Variants in CSMD3 observed in about 807,000 individuals in gnomAD.
CSMD3 encodes the protein CUB and Sushi multiple domains 3, also known as CUB and sushi domain-containing protein 3.
A neutral mutation model predicts 435.2 loss-of-function variants in CSMD3; 177 were observed. The observed-to-expected ratio is 0.41, with a 90% CI of 0.36 to 0.46. The LOEUF is 0.46. Ranked by LOEUF, CSMD3 falls within the 20% of genes least tolerant of loss-of-function variation. The pLI, the probability that CSMD3 is intolerant of heterozygous loss-of-function variation, is 0.34. For missense variants in CSMD3, 4,265 were observed against 4,504.6 expected (o/e 0.95, Z 1.52); for synonymous variants, 1,656 against 1,520.5 (o/e 1.09, Z -2.07).
intron 3 of CSMD3, among the ~76,000 whole-genome samples, chr8:113,269,948 A>C (rs375346345): frequency 6.0e-4 from 90 of 150,734 alleles, no homozygotes; most frequent in East Asian, 3.7e-3. Context: ...GCAACAAAAG[A>C]CAAAATTGAC....
At chr8:112,577,783 T>A (rs1295740700) in intron 23 of CSMD3, among the ~76,000 whole-genome samples, 1 of 152,068 alleles carries the variant, frequency 6.6e-6, no homozygotes, top group African/African-American at 2.4e-5. Flanking sequence ...TGAACCGTAT[T>A]ACAACAAACT....
chr8:112,313,536 T>A (rs1822181379), intron 49 of CSMD3, among the ~76,000 whole-genome samples: 1 of 152,150 alleles, frequency 6.6e-6, no homozygotes, highest in African/African-American at 2.4e-5. Flanking sequence ...ATCTATTTTT[T>A]AAAGTATTAA....
At chr8:112,444,986 T>C (rs1469658766) in intron 32 of CSMD3, among the ~76,000 whole-genome samples, 1 of 152,200 alleles carries the variant, frequency 6.6e-6, no homozygotes, top group Admixed American at 6.5e-5. Context: ...CTCATGCCTA[T>C]AAACCTAGCA....
intron 6 of CSMD3, among the ~76,000 whole-genome samples, chr8:113,003,599 T>A (rs988039702): frequency 1.3e-5 from 2 of 151,994 alleles, no homozygotes; most frequent in Non-Finnish European, 2.9e-5. Flanking sequence ...CCTGAGTAGA[T>A]GGAATACAGA....
At chr8:112,480,141 A>T (rs1819495423) in intron 31 of CSMD3, among the ~76,000 whole-genome samples, 1 of 152,240 alleles carries the variant, frequency 6.6e-6, no homozygotes, top group Admixed American at 6.5e-5. Flanking sequence ...TTAAGATTTA[A>T]TGATTGCTCT....
intron 12 of CSMD3, among the ~76,000 whole-genome samples, chr8:112,818,364 T>C (rs1023293849): frequency 1.3e-5 from 2 of 152,166 alleles, no homozygotes; most frequent in Admixed American, 6.5e-5. Flanking sequence ...GATGGCTTCT[T>C]CTTTTGGCTA....
At chr8:112,667,222 T>A (rs1366758083) in intron 16 of CSMD3, among the ~76,000 whole-genome samples, 1 of 152,098 alleles carries the variant, frequency 6.6e-6, no homozygotes, top group Admixed American at 6.6e-5. Context: ...GGTCTTAAAA[T>A]CACTTTGAAG....
chr8:112,478,843 C>A lies in CSMD3; in HGVS notation c.5279-6136G>T, dbSNP rs375794088. ...CTAATTGATTCTTTCTAAATAATGTCTTTTACCCAATCGAATGCTGCCTTT... is the reference window on the plus strand; with the variant it reads ...CTAATTGATTCTTTCTAAATAATGTATTTTACCCAATCGAATGCTGCCTTT... On this transcript the variant is annotated intron_variant, in intron 31 of 70. Transcript: ENST00000297405. 1.2e-4 allele frequency among the ~76,000 whole-genome samples: 19 copies of A among 152,216 alleles called. No individual in the cohort carries two copies. The East Asian group carries it at 1.7e-3, about 14-fold the overall frequency.
At chr8:112,533,459 G>A (rs1025201801) in intron 27 of CSMD3, among the ~76,000 whole-genome samples, 4 of 151,856 alleles carry the variant, frequency 2.6e-5, no homozygotes, top group Admixed American at 6.6e-5. Flanking sequence ...CAAAAAAAGA[G>A]CAAGAGTAGC....
chr8:112,296,792 A>C (rs1820336335), intron 53 of CSMD3, among the ~76,000 whole-genome samples: 1 of 151,920 alleles, frequency 6.6e-6, no homozygotes, highest in South Asian at 2.1e-4. Flanking sequence ...AGAGAACATT[A>C]AGTTAAAAAT....
intron 22 of CSMD3, among the ~76,000 whole-genome samples, chr8:112,620,040 G>A (rs1833948950): frequency 1.3e-5 from 2 of 151,926 alleles, no homozygotes; most frequent in Non-Finnish European, 2.9e-5. Context: ...AGTGGAGTGG[G>A]GTTGGGAGTG....
intron 31 of CSMD3, among the ~76,000 whole-genome samples, chr8:112,484,989 A>C (rs1819982346): frequency 1.3e-5 from 2 of 152,168 alleles, no homozygotes; most frequent in South Asian, 4.1e-4. Flanking sequence ...TACTTCTTAC[A>C]TTGGCTACTC....
At chr8:112,392,507 T>A (rs2129762358) in intron 35 of CSMD3, among the ~76,000 whole-genome samples, 1 of 152,066 alleles carries the variant, frequency 6.6e-6, no homozygotes, top group East Asian at 1.9e-4. Flanking sequence ...GATTTGAGAA[T>A]GACATGCAAA....
At chr8:112,427,284 CT>C (rs375366009) in intron 32 of CSMD3, among the ~76,000 whole-genome samples, 15 of 152,226 alleles carry the variant, frequency 9.9e-5, no homozygotes, top group African/African-American at 3.1e-4. Flanking sequence ...CAAATCTCAT[CT>C]TGAATTGTAG....
chr8:112,493,672 T>G (rs1207150369), intron 30 of CSMD3, among the ~76,000 whole-genome samples: 1 of 152,108 alleles, frequency 6.6e-6, no homozygotes, highest in Non-Finnish European at 1.5e-5. Context: ...ATTGTTTTCA[T>G]TGTACCCAGA....
In CSMD3 at chr8:112,810,394, C is replaced by T. The variant is rs118057557; in HGVS notation, c.1860-10120G>A. Among the ~76,000 whole-genome samples, 1,110 of 152,090 alleles carry T rather than the reference C, an allele frequency of 7.3e-3. 9 individuals carry two copies. Among genetic ancestry groups the T allele is most frequent in the Non-Finnish European group, 0.011 (759 of 67,962 alleles). ...ACATCTAATTAACAGACAAATCTGACGTTTATAGGTAAGACTGCAAATGAT... is the reference window on the plus strand; with the variant it reads ...ACATCTAATTAACAGACAAATCTGATGTTTATAGGTAAGACTGCAAATGAT... On this transcript the variant is annotated intron_variant, in intron 12 of 70. Coordinates refer to ENST00000297405, the MANE Select transcript of CSMD3 (RefSeq NM_198123.2).
At position 112,853,294 on chromosome 8, in the gene CSMD3, C is replaced by T. The variant is rs578257444; in HGVS notation, c.1755+5851G>A. On this transcript the variant is annotated intron_variant, in intron 11 of 70. Transcript: ENST00000297405. Reference sequence around the variant, plus strand: ...AGGCTGGAGTGCAGTGGCATGATCTCGGCTCACTGTAAGCTCTGCCTCCCG... The same window carrying T: ...AGGCTGGAGTGCAGTGGCATGATCTTGGCTCACTGTAAGCTCTGCCTCCCG... 3.2e-3 allele frequency among the ~76,000 whole-genome samples: 484 copies of T among 152,130 alleles called. 2 individuals carry two copies. The highest frequency in any genetic ancestry group is 0.01 in the African/African-American group (417 of 41,500).
At chr8:113,428,859 A>G (rs1416267714) in intron 1 of CSMD3, among the ~76,000 whole-genome samples, 1 of 151,836 alleles carries the variant, frequency 6.6e-6, no homozygotes, top group Non-Finnish European at 1.5e-5. Context: ...CCATTTACAA[A>G]CTTCCTCTCA....
At chr8:112,931,170 C>T (rs1392426575) in intron 9 of CSMD3, among the ~76,000 whole-genome samples, 1 of 151,822 alleles carries the variant, frequency 6.6e-6, no homozygotes, top group Non-Finnish European at 1.5e-5. Context: ...TTTTATGTTG[C>T]TATGCCTCTT....
Sources: gnomAD v4.1 joint callset for allele counts (sites outside exome capture counted in the v4.1 genomes callset) on GRCh38, gnomAD v4.1.1 for gene constraint, MANE v1.5 for transcripts, NCBI Gene and HGNC (gene_info 2026-07-23, HGNC 2026-07-21) for gene names.